Variants in OTOA observed in about 807,000 individuals in gnomAD.
The protein encoded by OTOA is cancer/testis antigen 108.
A neutral mutation model predicts 110.8 loss-of-function variants in OTOA; 70 were observed. That is an observed-to-expected ratio of 0.63 (90% CI 0.52 to 0.77). The LOEUF is 0.77. Ranked by LOEUF, OTOA falls within the 30% of genes least tolerant of loss-of-function variation. OTOA has a pLI of 0.00. For missense variants in OTOA, 917 were observed against 1,075.8 expected, an observed-to-expected ratio of 0.85 and a Z score of 2.06; for synonymous variants, 373 against 431.5, an observed-to-expected ratio of 0.86 and a Z score of 1.68.
At chr16:21,726,735 C>A in intron 19 of OTOA, 77 bp downstream of exon 19, 15 of 1,586,126 alleles carry the variant, frequency 9.5e-6, no homozygotes, top group Non-Finnish European at 1.3e-5. Context: ...AGGGATCTGG[C>A]TAGGATCTTG....
In OTOA at chr16:21,725,732, G is replaced by T. The variant is rs552401544; in HGVS notation, c.1881-791G>T. 2.0e-5 allele frequency among the ~76,000 whole-genome samples: 3 copies of T among 152,314 alleles called. No individual in the cohort carries two copies. In the South Asian group the frequency reaches 6.2e-4, roughly 32 times the overall value. ...GGTTTTGGAACAGTGAAGTGGTGGG[G>T]TTGAGTAGGCCGGATGGGTTTCATG... is the stretch of plus-strand genomic sequence containing the variant. On this transcript the variant is annotated intron_variant, in intron 18 of 28. Coordinates refer to ENST00000646100, the MANE Select transcript of OTOA (RefSeq NM_144672.4).
In OTOA at chr16:21,664,126, C is replaced by A. The variant is rs1364057475; in HGVS notation, c.-111C>A. On this transcript the variant is annotated 5_prime_UTR_variant, in exon 1 of 29. Coordinates refer to ENST00000646100, the MANE Select transcript of OTOA (RefSeq NM_144672.4). ...AGGTCGCAGAGCTGCCGGCTGGCGC[C>A]GCCCCGCCGCTCTCCTGCCTGCCCG... 1 of 152,222 alleles carries A rather than the reference C, an allele frequency of 6.6e-6. No individual in the cohort carries two copies. The highest frequency in any genetic ancestry group is 2.4e-5 in the African/African-American group (1 of 41,438). The allele number at this position is 152,222 out of a possible 1,614,324, so 9.4% of individuals were successfully genotyped here.
chr16:21,683,339 C>T (rs1966930791), intron 6 of OTOA, among the ~76,000 whole-genome samples: 1 of 152,144 alleles, frequency 6.6e-6, no homozygotes, highest in Non-Finnish European at 1.5e-5. Flanking sequence ...CTTTTATTGC[C>T]TCCATTTTGC....
intron 1 of OTOA, among the ~76,000 whole-genome samples, chr16:21,667,511 G>A (rs545363042): frequency 2.0e-4 from 31 of 152,084 alleles, no homozygotes; most frequent in African/African-American, 7.0e-4. Flanking sequence ...AAAATTAGCC[G>A]GGCGTAGTGG....
chr16:21,695,233 C>A (rs570888800), intron 9 of OTOA, among the ~76,000 whole-genome samples: 13 of 145,906 alleles, frequency 8.9e-5, no homozygotes, highest in East Asian at 2.1e-4. Context: ...GACCCCCCCC[C>A]CCCATACAAA....
intron 18 of OTOA, among the ~76,000 whole-genome samples, chr16:21,726,041 C>A (rs1025024832): frequency 2.6e-5 from 4 of 152,120 alleles, no homozygotes; most frequent in Non-Finnish European, 5.9e-5. Context: ...CACTCTTTTT[C>A]TTATCTTTCT....
chr16:21,716,931 C>G lies in OTOA; in HGVS notation c.1513C>G (p.Pro505Ala). The G allele has an allele frequency of 6.2e-7, 1 of 1,613,916 alleles. No individual in the cohort carries two copies. The highest frequency in any genetic ancestry group is 8.5e-7 in the Non-Finnish European group (1 of 1,179,992). The part of the protein sequence containing the change: ...SKMVQAEDTA[P>A]GIVEIQGAFF... ...GATGGTCCAAGCGGAAGACACTGCC[C>G]CAGGCATCGTGGAGATACAAGGGGC... The change falls in exon 15 of 29, where the codon CCA becomes GCA. Residue 505 changes from proline (P) to alanine (A), a missense_variant. By Grantham distance (27) the Pro-to-Ala change is conservative. Transcript: ENST00000646100.
chr16:21,736,881 T>A (rs1461289347), intron 22 of OTOA, among the ~76,000 whole-genome samples: 2 of 152,312 alleles, frequency 1.3e-5, no homozygotes. Flanking sequence ...TGTCCCATAC[T>A]CCATACCCAG....
intron 27 of OTOA, among the ~76,000 whole-genome samples, chr16:21,756,438 C>G (rs1362157909): frequency 1.3e-5 from 2 of 152,056 alleles, no homozygotes; most frequent in Non-Finnish European, 2.9e-5. Flanking sequence ...CATTTATCCC[C>G]AAAGCCCACG....
At chr16:21,674,243 T>G (rs756673149) in intron 1 of OTOA, among the ~76,000 whole-genome samples, 7 of 152,220 alleles carry the variant, frequency 4.6e-5, no homozygotes, top group Non-Finnish European at 8.8e-5. Flanking sequence ...CCACCTTATA[T>G]TCTCATCAGC....
chr16:21,702,988 A>T (rs928987713), intron 11 of OTOA, among the ~76,000 whole-genome samples: 2 of 152,020 alleles, frequency 1.3e-5, no homozygotes, highest in Non-Finnish European at 2.9e-5. Flanking sequence ...TTTCTTTTAT[A>T]ATTTATTTTT....
At chr16:21,692,187 C>T (rs1016747310) in intron 9 of OTOA, among the ~76,000 whole-genome samples, 7 of 152,114 alleles carry the variant, frequency 4.6e-5, no homozygotes, top group Admixed American at 6.6e-5. Flanking sequence ...ATTAACCGGG[C>T]GTGGTGGCGG....
Position 21,700,985 on chromosome 16 carries a change from G to C in OTOA, c.938G>C (p.Ser313Thr). ...GCCCAGGCGTTTCTGGAGAGGATCA[G>C]CTCCTCCAACTTTAACATGAGGAAT... ...ELAQAFLERI[S>T]SSNFNMRNTS... The change falls in exon 11 of 29, where the codon AGC becomes ACC. Residue 313 changes from serine to threonine, a missense_variant. Ser to Thr is a moderately conservative substitution (Grantham distance 58). Transcript: ENST00000646100. The C allele has an allele frequency of 1.2e-6, 2 of 1,614,114 alleles. No homozygotes were observed. Among genetic ancestry groups the C allele is most frequent in the Non-Finnish European group, 1.7e-6 (2 of 1,180,008 alleles).
rs147088274 is a variant in OTOA, at chr16:21,681,794, G to T, written c.236G>T (p.Arg79Leu). ...SHRVLAYLNS[R>L]NVAFTIPSLQ... The stretch of plus-strand genomic sequence containing the variant: ...AGAGTCCTGGCCTATCTGAATTCCC[G>T]GAATGTTGCCTTCACCATCCCCAGC... The change falls in exon 6 of 29, where the codon CGG becomes CTG. Residue 79 changes from arginine (R) to leucine (L), a missense_variant. By Grantham distance (102) the Arg-to-Leu change is moderately radical (BLOSUM62 -2). Coordinates refer to ENST00000646100, the MANE Select transcript of OTOA (RefSeq NM_144672.4). The T allele has an allele frequency of 3.1e-6, 5 of 1,613,850 alleles. No homozygotes were observed. In the African/African-American group the frequency reaches 4.0e-5, roughly 13 times the overall value.
chr16:21,692,051 G>A (rs1897840270), intron 9 of OTOA, among the ~76,000 whole-genome samples: 1 of 152,320 alleles, frequency 6.6e-6, no homozygotes, highest in East Asian at 1.9e-4. Context: ...AAGAGGCTGG[G>A]CGTGGTGGCT....
intron 7 of OTOA, among the ~76,000 whole-genome samples, chr16:21,686,024 C>T (rs1173164155): frequency 6.6e-6 from 1 of 152,128 alleles, no homozygotes. Context: ...AGACAAAAAA[C>T]AGGAACAGTT....
At chr16:21,689,955 G>A (rs1897795521) in intron 8 of OTOA, among the ~76,000 whole-genome samples, 1 of 152,100 alleles carries the variant, frequency 6.6e-6, no homozygotes, top group South Asian at 2.1e-4. Flanking sequence ...CAAAGTGCTG[G>A]GATTACAGGT....
At chr16:21,674,511 T>C (rs894199623) in intron 1 of OTOA, among the ~76,000 whole-genome samples, 4 of 152,094 alleles carry the variant, frequency 2.6e-5, no homozygotes, top group African/African-American at 9.7e-5. Context: ...TATTTGTATT[T>C]TTAGTAGAGA....
At chr16:21,664,826 G>A (rs1281684107) in intron 1 of OTOA, among the ~76,000 whole-genome samples, 1 of 151,926 alleles carries the variant, frequency 6.6e-6, no homozygotes, top group Non-Finnish European at 1.5e-5. Flanking sequence ...ACAAATATTA[G>A]CCAGGTGTGG....
Sources: allele counts gnomAD v4.1 joint callset (sites outside exome capture counted in the v4.1 genomes callset), GRCh38; gene constraint gnomAD v4.1.1; transcripts MANE v1.5; gene names NCBI Gene and HGNC (gene_info 2026-07-23, HGNC 2026-07-21).